SLC24A2: variants seen among roughly 807,000 people sequenced by gnomAD.
SLC24A2 encodes the protein sodium/potassium/calcium exchanger 2.
In SLC24A2, 36 loss-of-function variants were observed where a neutral mutation model predicts 62.0. That is an observed-to-expected ratio of 0.58 (90% confidence interval 0.44 to 0.77). The LOEUF (loss-of-function observed/expected upper bound fraction) is 0.77. Among genes scored for constraint, SLC24A2 ranks in the 30% least tolerant of loss-of-function variants. SLC24A2 has a pLI of 0.00. For missense variants in SLC24A2, 846 were observed against 817.9 expected (o/e 1.03, Z -0.42); for synonymous variants, 358 against 294.0 (o/e 1.22, Z -2.23).
At chr9:19,770,607 C>T (rs1822656713) in intron 2 of SLC24A2, among the ~76,000 whole-genome samples, 1 of 152,178 alleles carries the variant, frequency 6.6e-6, no homozygotes. Flanking sequence ...AGGTCATCTG[C>T]TCCCACTTCC....
chr9:19,620,078 G>A (rs1298679180), intron 3 of SLC24A2, among the ~76,000 whole-genome samples: 1 of 152,168 alleles, frequency 6.6e-6, no homozygotes, highest in Non-Finnish European at 1.5e-5. Flanking sequence ...GACAAGAAGT[G>A]GAGGATGGAG....
chr9:19,798,033 G>A, the SLC24A2 span, among the ~76,000 whole-genome samples: 1 of 152,108 alleles, frequency 6.6e-6, no homozygotes, highest in Non-Finnish European at 1.5e-5. Context: ...CAGAGGTCTT[G>A]TATGGGCGAG....
chr9:20,199,892 T>A, the SLC24A2 span, among the ~76,000 whole-genome samples: 1 of 150,570 alleles, frequency 6.6e-6, no homozygotes, highest in East Asian at 2.0e-4. Context: ...CTAATTTTTT[T>A]TTTTTTTTTT....
chr9:19,633,468 C>T (rs1220473786), intron 2 of SLC24A2, among the ~76,000 whole-genome samples: 2 of 152,190 alleles, frequency 1.3e-5, no homozygotes, highest in African/African-American at 4.8e-5. Context: ...GATATGATCA[C>T]TATTTTGAAA....
chr9:19,724,670 C>G (rs756222056), intron 2 of SLC24A2, among the ~76,000 whole-genome samples: 14 of 152,120 alleles, frequency 9.2e-5, no homozygotes, highest in Non-Finnish European at 4.4e-5. Flanking sequence ...CTAATTACCT[C>G]CAGTTGCTTT....
chr9:19,531,378 G>A (rs1163629652), intron 8 of SLC24A2, among the ~76,000 whole-genome samples: 1 of 152,174 alleles, frequency 6.6e-6, no homozygotes, highest in African/African-American at 2.4e-5. Flanking sequence ...GGTCTAACAT[G>A]ACAATTTATG....
At chr9:20,138,359 T>G in the SLC24A2 span, among the ~76,000 whole-genome samples, 2 of 152,196 alleles carry the variant, frequency 1.3e-5, no homozygotes, top group East Asian at 3.9e-4. Flanking sequence ...CAATGCAGTT[T>G]AAGATTTTTA....
intron 2 of SLC24A2, among the ~76,000 whole-genome samples, chr9:19,636,315 T>TTCCTTTC (rs1818326324): frequency 5.0e-5 from 2 of 40,328 alleles, no homozygotes; most frequent in African/African-American, 2.3e-4. Flanking sequence ...TTTTCTTTTC[T>TTCCTTTC]TTTCTTTCTT....
chr9:20,243,578 A>C, the SLC24A2 span, among the ~76,000 whole-genome samples: 1 of 152,220 alleles, frequency 6.6e-6, no homozygotes, highest in East Asian at 1.9e-4. Context: ...ACACGCTTAC[A>C]CATACAGACA....
the SLC24A2 span, among the ~76,000 whole-genome samples, chr9:20,040,466 G>A: frequency 1.3e-5 from 2 of 152,158 alleles, no homozygotes; most frequent in Non-Finnish European, 2.9e-5. Flanking sequence ...GGACTTCTGA[G>A]CTTACAGCAA....
the SLC24A2 span, among the ~76,000 whole-genome samples, chr9:20,174,168 C>T: frequency 1.3e-5 from 2 of 151,940 alleles, no homozygotes; most frequent in African/African-American, 4.8e-5. Context: ...GAAACTAGAT[C>T]CTCATCTCTC....
At chr9:19,741,573 G>T (rs1053000387) in intron 2 of SLC24A2, among the ~76,000 whole-genome samples, 6 of 152,140 alleles carry the variant, frequency 3.9e-5, no homozygotes, top group African/African-American at 1.2e-4. Context: ...CCTAGGAGTG[G>T]CAGCTGCTTC....
At chr9:19,734,887 G>C (rs1384411965) in intron 2 of SLC24A2, among the ~76,000 whole-genome samples, 2 of 152,092 alleles carry the variant, frequency 1.3e-5, no homozygotes, top group African/African-American at 2.4e-5. Flanking sequence ...TTAAATGTTA[G>C]ACCTAAAACC....
the SLC24A2 span, among the ~76,000 whole-genome samples, chr9:20,179,170 G>A: frequency 6.6e-5 from 10 of 152,246 alleles, 1 homozygote; most frequent in African/African-American, 2.2e-4. Context: ...TAGAAATCAT[G>A]AGTAAGTGGA....
chr9:19,756,923 T>C (rs888251377), intron 2 of SLC24A2, among the ~76,000 whole-genome samples: 2 of 146,052 alleles, frequency 1.4e-5, no homozygotes, highest in Non-Finnish European at 3.0e-5. Flanking sequence ...TTTTTTTTTT[T>C]TTTAGAGACA....
the SLC24A2 span, among the ~76,000 whole-genome samples, chr9:19,961,515 G>T: frequency 6.6e-5 from 10 of 152,288 alleles, no homozygotes; most frequent in Admixed American, 2.0e-4. Flanking sequence ...TCCTTTGGAG[G>T]TTAGCTAAAG....
chr9:20,223,766 T>C, the SLC24A2 span, among the ~76,000 whole-genome samples: 1 of 152,052 alleles, frequency 6.6e-6, no homozygotes, highest in Non-Finnish European at 1.5e-5. Flanking sequence ...GCTAGAATAA[T>C]TGGTTATTTA....
the SLC24A2 span, among the ~76,000 whole-genome samples, chr9:20,056,832 C>T: frequency 1.3e-5 from 2 of 152,200 alleles, no homozygotes; most frequent in African/African-American, 4.8e-5. Context: ...TATGCATCTC[C>T]ATCCTCTTGA....
chr9:19,942,348 T>C, the SLC24A2 span, among the ~76,000 whole-genome samples: 5 of 152,210 alleles, frequency 3.3e-5, no homozygotes, highest in Admixed American at 3.3e-4. Flanking sequence ...ATTGCCATTT[T>C]ACAGATGAGG....
Sources: allele counts gnomAD v4.1 joint callset (sites outside exome capture counted in the v4.1 genomes callset), GRCh38; gene constraint gnomAD v4.1.1; transcripts MANE v1.5; gene names NCBI Gene and HGNC (gene_info 2026-07-23, HGNC 2026-07-21).